Variants in DPY19L1 observed in about 807,000 individuals in gnomAD.
The protein encoded by DPY19L1 is protein C-mannosyl-transferase DPY19L1.
DPY19L1 carries 35 observed loss-of-function variants against 96.9 expected under a neutral mutation model. The observed-to-expected ratio is 0.36, with a 90% CI of 0.28 to 0.48. The LOEUF is 0.48. DPY19L1 is among the 20% of genes least tolerant of loss of function. The pLI, the probability that DPY19L1 is intolerant of heterozygous loss-of-function variation, is 0.99. For missense variants in DPY19L1, 521 were observed against 777.9 expected (o/e 0.67, Z 3.93); for synonymous variants, 205 against 252.6 (o/e 0.81, Z 1.79).
At chr7:34,990,952 A>T (rs1785153730) in intron 6 of DPY19L1, among the ~76,000 whole-genome samples, 1 of 152,244 alleles carries the variant, frequency 6.6e-6, no homozygotes, top group Non-Finnish European at 1.5e-5. Context: ...TGTATCAATG[A>T]GGAAAAGAGG....
intron 1 of DPY19L1, among the ~76,000 whole-genome samples, chr7:35,028,627 A>G (rs1786184942): frequency 6.6e-6 from 1 of 152,224 alleles, no homozygotes; most frequent in African/African-American, 2.4e-5. Context: ...CTTGCAAAAG[A>G]AAGAATTCCG....
rs1374545055 is a variant in DPY19L1, at chr7:34,987,725, A to ACC, written c.822+2158_822+2159insGG. ...ATACATAAATAGGTACTACCAGAGT[A>ACC]AATATTTCTGTCCATAGAAAAAGTA... On this transcript the variant is annotated intron_variant, in intron 7 of 21. Coordinates refer to ENST00000638088, the MANE Select transcript of DPY19L1 (RefSeq NM_001366673.1). 8.5e-5 allele frequency among the ~76,000 whole-genome samples: 13 copies of ACC among 152,058 alleles called. No individual in the cohort carries two copies. The South Asian group carries it at 1.2e-3, about 15-fold the overall frequency.
intron 1 of DPY19L1, among the ~76,000 whole-genome samples, chr7:35,035,534 T>C (rs780036797): frequency 3.3e-5 from 5 of 152,244 alleles, no homozygotes; most frequent in East Asian, 1.9e-4. Flanking sequence ...AAGTGGTTAA[T>C]GTTTAGTCAT....
intron 6 of DPY19L1, among the ~76,000 whole-genome samples, chr7:35,009,769 C>CT (rs888943760): frequency 5.3e-5 from 8 of 152,088 alleles, no homozygotes; most frequent in African/African-American, 1.9e-4. Context: ...AGTCTACAGA[C>CT]TTTTTTTACA....
chr7:34,984,205 A>G (rs1447310102), intron 7 of DPY19L1, among the ~76,000 whole-genome samples: 1 of 152,228 alleles, frequency 6.6e-6, no homozygotes, highest in Non-Finnish European at 1.5e-5. Flanking sequence ...TTAAAACTAA[A>G]GAGAAATTAT....
At chr7:34,943,894 C>T (rs955611835) in intron 16 of DPY19L1, among the ~76,000 whole-genome samples, 3 of 152,054 alleles carry the variant, frequency 2.0e-5, no homozygotes, top group African/African-American at 7.3e-5. Flanking sequence ...TTTTCTTTCC[C>T]CCTTAGCCCT....
In DPY19L1 at chr7:34,945,028, TC is replaced by T. The variant is rs148380522; in HGVS notation, c.1544+638del. ...TATGTAAATACTCATTCAACTACTA[TC>T]CTTTACTATCTTGCAGGCACTGTAT... On this transcript the variant is annotated intron_variant, in intron 16 of 21. Transcript: ENST00000638088. Among the ~76,000 whole-genome samples, 1,252 of 152,334 alleles carry T rather than the reference TC, an allele frequency of 8.2e-3. 21 individuals are homozygous for T. The highest frequency in any genetic ancestry group is 0.029 in the African/African-American group (1,200 of 41,582).
intron 10 of DPY19L1, among the ~76,000 whole-genome samples, chr7:34,963,314 T>C (rs1027357563): frequency 6.6e-6 from 1 of 152,002 alleles, no homozygotes; most frequent in African/African-American, 2.4e-5. Context: ...TTAGGATGGC[T>C]ACCATCCAAG....
At chr7:34,981,042 G>A (rs571889096) in intron 7 of DPY19L1, among the ~76,000 whole-genome samples, 1 of 152,280 alleles carries the variant, frequency 6.6e-6, no homozygotes, top group South Asian at 2.1e-4. Flanking sequence ...AGGAACAGAG[G>A]TGAGCCTGCC....
At chr7:34,963,534 A>C (rs1464061084) in intron 10 of DPY19L1, among the ~76,000 whole-genome samples, 1 of 152,270 alleles carries the variant, frequency 6.6e-6, no homozygotes, top group African/African-American at 2.4e-5. Context: ...ACCCATGTTC[A>C]TAGCAGCATT....
At chr7:35,018,548 C>T in intron 2 of DPY19L1, 24 bp downstream of exon 2, 1 of 1,600,482 alleles carries the variant, frequency 6.2e-7, no homozygotes, top group Non-Finnish European at 8.5e-7. Context: ...CATAAAATAC[C>T]ATAGGAGAAA....
chr7:34,992,176 C>A (rs1265562992), intron 6 of DPY19L1, among the ~76,000 whole-genome samples: 1 of 152,126 alleles, frequency 6.6e-6, no homozygotes, highest in Non-Finnish European at 1.5e-5. Flanking sequence ...AAATTTTCTC[C>A]TTAGATAGGT....
intron 10 of DPY19L1, among the ~76,000 whole-genome samples, chr7:34,965,852 G>A (rs561998090): frequency 1.1e-4 from 16 of 152,138 alleles, no homozygotes; most frequent in African/African-American, 3.6e-4. Flanking sequence ...CACCAACCTA[G>A]AGATCAGTTT....
chr7:35,021,634 T>C (rs1392616127), intron 1 of DPY19L1, among the ~76,000 whole-genome samples: 1 of 152,198 alleles, frequency 6.6e-6, no homozygotes, highest in Admixed American at 6.5e-5. Flanking sequence ...GTATACAGAC[T>C]AGAAGTTGAG....
intron 14 of DPY19L1, among the ~76,000 whole-genome samples, chr7:34,948,525 G>A (rs1361150746): frequency 6.6e-6 from 1 of 152,134 alleles, no homozygotes; most frequent in Non-Finnish European, 1.5e-5. Context: ...GATGAGGAAT[G>A]GTATGCTGGA....
At chr7:35,010,851 A>C (rs778998163) in intron 5 of DPY19L1, among the ~76,000 whole-genome samples, 2 of 152,130 alleles carry the variant, frequency 1.3e-5, no homozygotes, top group Non-Finnish European at 2.9e-5. Context: ...GACTCTTTCA[A>C]CAGAGTATGG....
chr7:34,947,500 A>G, intron 15 of DPY19L1, 130 bp downstream of exon 15: 2 of 663,916 alleles, frequency 3.0e-6, no homozygotes, highest in Non-Finnish European at 5.1e-6. Flanking sequence ...CATTAAGAAA[A>G]CATAGAATAT....
intron 1 of DPY19L1, among the ~76,000 whole-genome samples, chr7:35,019,862 T>C (rs955980152): frequency 2.0e-5 from 3 of 152,216 alleles, no homozygotes; most frequent in African/African-American, 7.2e-5. Context: ...TTCCTTTTAG[T>C]TTCTGTCTTT....
intron 6 of DPY19L1, among the ~76,000 whole-genome samples, chr7:35,004,056 A>AT (rs1178087722): frequency 5.9e-5 from 9 of 152,180 alleles, no homozygotes; most frequent in African/African-American, 2.2e-4. Context: ...CAAGAACCAT[A>AT]AACTACAGGA....
Sources: allele counts gnomAD v4.1 joint callset (sites outside exome capture counted in the v4.1 genomes callset), GRCh38; gene constraint gnomAD v4.1.1; transcripts MANE v1.5; gene names NCBI Gene and HGNC (gene_info 2026-07-23, HGNC 2026-07-21).